GALNTL6: variants seen among roughly 807,000 people sequenced by gnomAD.
GALNTL6 encodes the protein polypeptide N-acetylgalactosaminyltransferase like 6.
Under a neutral mutation model 73.7 loss-of-function variants are expected in GALNTL6, and 46 were observed. The observed-to-expected ratio is 0.62, with a 90% CI of 0.49 to 0.80. The LOEUF (loss-of-function observed/expected upper bound fraction) is 0.80, where lower values mean the gene tolerates loss of function less well. Ranked by LOEUF, GALNTL6 falls within the 30% of genes least tolerant of loss-of-function variation. The probability of loss-of-function intolerance (pLI) is 0.00; values close to 1 mark genes in which losing one functional copy is unlikely to be tolerated. For synonymous variants in GALNTL6, 259 were observed against 263.7 expected, an observed-to-expected ratio of 0.98 and a Z score of 0.17; for missense variants, 604 against 755.0, an observed-to-expected ratio of 0.80 and a Z score of 2.34.
intron 2 of GALNTL6, among the ~76,000 whole-genome samples, chr4:172,083,168 A>T (rs1441726212): frequency 1.3e-5 from 2 of 152,164 alleles, no homozygotes; most frequent in African/African-American, 4.8e-5. Context: ...AAGTTTTTTC[A>T]TCACTTCCAC....
intron 2 of GALNTL6, among the ~76,000 whole-genome samples, chr4:171,932,136 A>C (rs1173898480): frequency 6.6e-6 from 1 of 152,170 alleles, no homozygotes; most frequent in Admixed American, 6.6e-5. Flanking sequence ...GACTTTAAAT[A>C]ATATTTTAGA....
intron 5 of GALNTL6, among the ~76,000 whole-genome samples, chr4:172,645,183 G>T (rs1025435365): frequency 6.6e-6 from 1 of 151,726 alleles, no homozygotes; most frequent in Admixed American, 6.6e-5. Flanking sequence ...CTGATAAATA[G>T]AAGATAATAA....
At chr4:172,169,247 C>T (rs571289944) in intron 2 of GALNTL6, among the ~76,000 whole-genome samples, 44 of 152,256 alleles carry the variant, frequency 2.9e-4, no homozygotes, top group African/African-American at 1.0e-3. Context: ...CCCAGTCTAA[C>T]GTTAGCTGGA....
chr4:171,850,779 G>A (rs1735503173), intron 2 of GALNTL6, among the ~76,000 whole-genome samples: 1 of 152,108 alleles, frequency 6.6e-6, no homozygotes, highest in South Asian at 2.1e-4. Flanking sequence ...TAGGCACTCA[G>A]TTTTTAAGGT....
intron 2 of GALNTL6, among the ~76,000 whole-genome samples, chr4:171,954,905 T>A (rs1004364279): frequency 6.6e-6 from 1 of 152,168 alleles, no homozygotes; most frequent in African/African-American, 2.4e-5. Flanking sequence ...CCTGCTTCCC[T>A]TTTGCCTTCT....
At chr4:172,608,335 A>G (rs896307571) in intron 5 of GALNTL6, among the ~76,000 whole-genome samples, 5 of 152,058 alleles carry the variant, frequency 3.3e-5, no homozygotes, top group African/African-American at 4.8e-5. Context: ...TCAAATTTCA[A>G]TCTTGGGCCT....
chr4:171,972,908 G>GAAT (rs1426065276), intron 2 of GALNTL6, among the ~76,000 whole-genome samples: 1 of 152,106 alleles, frequency 6.6e-6, no homozygotes, highest in Non-Finnish European at 1.5e-5. Flanking sequence ...AAATACAACA[G>GAAT]AATAATAGTA....
At chr4:172,650,361 C>T (rs1051988515) in intron 5 of GALNTL6, among the ~76,000 whole-genome samples, 2 of 151,970 alleles carry the variant, frequency 1.3e-5, no homozygotes, top group African/African-American at 4.8e-5. Flanking sequence ...ATAAAAGTCG[C>T]AATGTCACTA....
At chr4:172,460,145 G>T (rs1360701856) in intron 5 of GALNTL6, among the ~76,000 whole-genome samples, 12 of 152,328 alleles carry the variant, frequency 7.9e-5, no homozygotes, top group Non-Finnish European at 1.6e-4. Flanking sequence ...TATAAATGAT[G>T]TTGGGAAAAC....
At chr4:172,702,970 GT>G (rs1306679670) in intron 5 of GALNTL6, among the ~76,000 whole-genome samples, 5 of 151,828 alleles carry the variant, frequency 3.3e-5, no homozygotes, top group African/African-American at 4.8e-5. Flanking sequence ...TTTATGTATA[GT>G]TTTTTTGGTT....
At chr4:172,081,340 T>C (rs561515201) in intron 2 of GALNTL6, among the ~76,000 whole-genome samples, 1 of 152,158 alleles carries the variant, frequency 6.6e-6, no homozygotes, top group African/African-American at 2.4e-5. Flanking sequence ...TAAGGCTGAG[T>C]CTGCAAGTTG....
At chr4:172,430,647 AT>A (rs1224483722) in intron 5 of GALNTL6, among the ~76,000 whole-genome samples, 3 of 152,174 alleles carry the variant, frequency 2.0e-5, no homozygotes, top group Non-Finnish European at 2.9e-5. Flanking sequence ...ATTAAAAAAA[AT>A]AAATAAATTA....
chr4:172,103,990 C>T (rs893037923), intron 2 of GALNTL6, among the ~76,000 whole-genome samples: 3 of 150,636 alleles, frequency 2.0e-5, no homozygotes, highest in African/African-American at 7.3e-5. Context: ...TTTGCCCAGG[C>T]TGGGCTGCAG....
intron 7 of GALNTL6, among the ~76,000 whole-genome samples, chr4:172,866,045 C>T (rs1264652863): frequency 6.6e-6 from 1 of 152,142 alleles, no homozygotes; most frequent in Non-Finnish European, 1.5e-5. Context: ...GGACTCTTTC[C>T]TTCTTCCCAT....
chr4:173,023,735 G>A (rs1364127221), intron 12 of GALNTL6, among the ~76,000 whole-genome samples: 1 of 149,840 alleles, frequency 6.7e-6, no homozygotes, highest in African/African-American at 2.5e-5. Flanking sequence ...CTCAGAAGAT[G>A]GTATCTGATT....
intron 2 of GALNTL6, among the ~76,000 whole-genome samples, chr4:171,863,924 A>AT (rs943319977): frequency 3.9e-4 from 58 of 149,212 alleles, no homozygotes; most frequent in East Asian, 3.5e-3. Context: ...TGCCCAGCTA[A>AT]TTTTTTTTTT....
intron 2 of GALNTL6, among the ~76,000 whole-genome samples, chr4:172,221,259 A>T (rs181988820): frequency 6.6e-6 from 1 of 151,844 alleles, no homozygotes; most frequent in Non-Finnish European, 1.5e-5. Context: ...CAGATTAATA[A>T]GAAAATAGCA....
intron 5 of GALNTL6, among the ~76,000 whole-genome samples, chr4:172,630,738 C>T (rs139532260): frequency 7.9e-4 from 119 of 150,280 alleles, no homozygotes; most frequent in African/African-American, 2.7e-3. Flanking sequence ...ATATAAATAA[C>T]GTATATGCAT....
chr4:172,364,635 A>G (rs1007301682), intron 5 of GALNTL6, among the ~76,000 whole-genome samples: 4 of 152,198 alleles, frequency 2.6e-5, no homozygotes, highest in Non-Finnish European at 4.4e-5. Flanking sequence ...GCAGAATGGC[A>G]TGGGTTGGGA....
Sources: gnomAD v4.1 joint callset for allele counts (sites outside exome capture counted in the v4.1 genomes callset) on GRCh38, gnomAD v4.1.1 for gene constraint, MANE v1.5 for transcripts, NCBI Gene and HGNC (gene_info 2026-07-23, HGNC 2026-07-21) for gene names.